Variants in FAM131C observed in about 807,000 individuals in gnomAD.
FAM131C encodes protein FAM131C.
In FAM131C, 14 loss-of-function variants were observed where a neutral mutation model predicts 29.8. The ratio of observed to expected loss-of-function variants is 0.47; its 90% CI spans 0.31 to 0.73. FAM131C has a LOEUF of 0.73. Among genes scored for constraint, FAM131C ranks in the 30% least tolerant of loss-of-function variants. FAM131C has a pLI of 0.05. For synonymous variants in FAM131C, 86 were observed against 157.8 expected (o/e 0.54, Z 3.41); for missense variants, 252 against 383.8 (o/e 0.66, Z 2.87).
In FAM131C at chr1:16,060,350, C is replaced by T. The variant is rs544144976; in HGVS notation, c.269-299G>A. On this transcript the variant is annotated intron_variant, in intron 4 of 6. Transcript: ENST00000375662. ...GCATCCTACTCCCAGTCCATGTTCCCGCCCACTGGATGCTTCTTCCCCAGA... is the reference window on the plus strand; with the variant it reads ...GCATCCTACTCCCAGTCCATGTTCCTGCCCACTGGATGCTTCTTCCCCAGA... Among the ~76,000 whole-genome samples, 8 of 125,392 alleles carry T rather than the reference C, an allele frequency of 6.4e-5. 1 individual carries two copies. Among genetic ancestry groups the T allele is most frequent in the South Asian group, 2.7e-4 (1 of 3,764 alleles). The allele number at this position is 125,392 out of a possible 152,430, so 82.3% of individuals were successfully genotyped here.
chr1:16,065,628 G>A lies in FAM131C; in HGVS notation c.23-1992C>T, dbSNP rs539044396. 2.6e-5 allele frequency among the ~76,000 whole-genome samples: 4 copies of A among 152,324 alleles called. No individual in the cohort carries two copies. In the South Asian group the frequency reaches 8.3e-4, roughly 32 times the overall value. On this transcript the variant is annotated intron_variant, in intron 1 of 6. Transcript: ENST00000375662. ...TTGGCCCCACCCAGAGTGGCCCCAA[G>A]CCAATGACTACCAGGTGCAGAACCC...
rs190510233 is a variant in FAM131C at position 16,070,091 on chromosome 1, C to T, written c.22+3330G>A. 4.0e-3 allele frequency among the ~76,000 whole-genome samples: 609 copies of T among 152,226 alleles called. 5 individuals are homozygous for T. Among genetic ancestry groups the T allele is most frequent in the African/African-American group, 0.014 (574 of 41,540 alleles). Reference sequence around the variant, plus strand: ...TATAGGGACGTAAGAAAGCAAAGGACGGGGTTTCCACACTCAGGCTCTGGG... The same window carrying T: ...TATAGGGACGTAAGAAAGCAAAGGATGGGGTTTCCACACTCAGGCTCTGGG... On this transcript the variant is annotated intron_variant, in intron 1 of 6. Coordinates refer to ENST00000375662, the MANE Select transcript of FAM131C (RefSeq NM_182623.3).
chr1:16,073,473 C>T lies in FAM131C; in HGVS notation c.-31G>A, dbSNP rs1288883888. On this transcript the variant is annotated 5_prime_UTR_variant, in exon 1 of 7. Coordinates refer to ENST00000375662, the MANE Select transcript of FAM131C (RefSeq NM_182623.3). ...GGCCGCGGGGCCGGGCCGCTGCGCC[C>T]GGGGTGCGTGGGGCCGCGGGGCGTT... is the stretch of plus-strand genomic sequence containing the variant. 1.3e-5 allele frequency: 15 copies of T among 1,192,726 alleles called. No individual in the cohort carries two copies. The highest frequency in any genetic ancestry group is 1.6e-5 in the Non-Finnish European group (15 of 961,154). The allele number at this position is 1,192,726 out of a possible 1,614,324, so 73.9% of individuals were successfully genotyped here.
rs559136201 is a variant in FAM131C at position 16,059,889 on chromosome 1, C to G, written c.431G>C (p.Arg144Pro). 4.7e-6 allele frequency: 6 copies of G among 1,272,122 alleles called. No individual in the cohort carries two copies. The highest frequency in any genetic ancestry group is 2.7e-5 in the Admixed American group (1 of 36,946). The allele number at this position is 1,272,122 out of a possible 1,614,324, so 78.8% of individuals were successfully genotyped here. A position where few individuals can be genotyped will look rare whatever the true frequency, so the allele number is the denominator to read the frequency against. Reference sequence around the variant, plus strand: ...CTGACCTGCAGCAAAGCGGGCCTCACGCAGCTCATCCGGGAGGCAGCAGTA... The same window carrying G: ...CTGACCTGCAGCAAAGCGGGCCTCAGGCAGCTCATCCGGGAGGCAGCAGTA... ...EHYCCLPDEL[R>P]EARFAAGVAE... The change falls in exon 5 of 7, where the codon CGT becomes CCT. Residue 144 changes from arginine to proline, a missense_variant. Around this residue, in one of 6 missense-constraint regions of FAM131C, gnomAD observed 38 missense variants for 32.7 expected, o/e 1.16. Coordinates refer to ENST00000375662, the MANE Select transcript of FAM131C (RefSeq NM_182623.3).
intron 1 of FAM131C, among the ~76,000 whole-genome samples, chr1:16,068,115 C>T (rs946679845): frequency 3.9e-5 from 6 of 152,258 alleles, no homozygotes; most frequent in Non-Finnish European, 5.9e-5. Context: ...GCAGCCGATG[C>T]GGCCCCTCTA....
At position 16,063,583 on chromosome 1, in the gene FAM131C, A is replaced by G; in HGVS notation, c.76T>C (p.Leu26=). ...NCPMPQGADP[L]NPDLPSGRTP... ...CGGCCCGAGGGCAGATCTGGGTTCA[A>G]GGGGTCCGCACCCTGGGGCATGGGG... Residue 26 remains leucine, a synonymous_variant, in exon 2 of 7, where the codon TTG becomes CTG. Transcript: ENST00000375662. 1 of 1,613,886 alleles carries G rather than the reference A, an allele frequency of 6.2e-7. No homozygotes were observed. Among genetic ancestry groups the G allele is most frequent in the South Asian group, 1.1e-5 (1 of 91,076 alleles).
intron 3 of FAM131C, 105 bp downstream of exon 3, chr1:16,062,394 C>CCCCGGG: frequency 8.5e-7 from 1 of 1,172,024 alleles, no homozygotes; most frequent in Non-Finnish European, 1.1e-6. Context: ...CCCCCCCCCC[C>CCCCGGG]GCCCCAGGGC....
At chr1:16,069,705 C>T (rs1218679313) in intron 1 of FAM131C, among the ~76,000 whole-genome samples, 1 of 152,218 alleles carries the variant, frequency 6.6e-6, no homozygotes, top group Non-Finnish European at 1.5e-5. Flanking sequence ...GAGCCCCCAA[C>T]AAATAGGGAC....
chr1:16,059,924 C>T lies in FAM131C; in HGVS notation c.396G>A (p.Glu132=), dbSNP rs1427589068. 4.3e-6 allele frequency: 7 copies of T among 1,611,122 alleles called. No homozygotes were observed. The highest frequency in any genetic ancestry group is 5.1e-6 in the Non-Finnish European group (6 of 1,179,772). ...QPAGWELSPA[E]DEHYCCLPDE... ...CCGGGAGGCAGCAGTAATGCTCGTC[C>T]TCAGCTGGGGACAGCTCCCAGCCTG... is the stretch of plus-strand genomic sequence containing the variant. Residue 132 remains glutamate, a synonymous_variant, in exon 5 of 7, where the codon GAG becomes GAA. Coordinates refer to ENST00000375662, the MANE Select transcript of FAM131C (RefSeq NM_182623.3).
Position 16,062,147 on chromosome 1 carries a change from G to C in FAM131C, c.220C>G (p.Arg74Gly), listed in dbSNP as rs79991837. 10 of 1,603,674 alleles carry C rather than the reference G, an allele frequency of 6.2e-6. No individual in the cohort carries two copies. In the African/African-American group the frequency reaches 1.4e-4, roughly 22 times the overall value. The change falls in exon 4 of 7, where the codon CGC (arginine) becomes GGC (glycine). Residue 74 changes from arginine to glycine, a missense_variant. Coordinates refer to ENST00000375662, the MANE Select transcript of FAM131C (RefSeq NM_182623.3). ...TNGYLSDSRS[R>G]PGNYNVAALA... ...GCTGCCACGTTGTAGTTGCCGGGGC[G>C]GGATCTGGAGTCGGACAGGTAGCCG...
chr1:16,059,497 G>A lies in FAM131C; in HGVS notation c.559C>T (p.Gln187Ter). 6.2e-7 allele frequency: 1 copy of A among 1,610,870 alleles called. No individual in the cohort carries two copies. Among genetic ancestry groups the A allele is most frequent in the Non-Finnish European group, 8.5e-7 (1 of 1,178,578 alleles). The change falls in exon 6 of 7, where the codon CAA becomes TAA. Residue 187 changes from glutamine (Q) to a stop codon, truncating the protein, a stop_gained. Coordinates refer to ENST00000375662, the MANE Select transcript of FAM131C (RefSeq NM_182623.3). LOFTEE classifies it low-confidence loss of function (END_TRUNC). The part of the protein sequence containing the change: ...ENSPQGIVQL[Q>*]DLESIYLQDS... ...CCCTGGACCCTCTGGGCTGTACCTT[G>A]GAGCTGGACGATGCCTTGGGGGCTG...
At position 16,073,401 on chromosome 1, in the gene FAM131C, C is replaced by G; in HGVS notation, c.22+20G>C. 1 of 1,204,346 alleles carries G rather than the reference C, an allele frequency of 8.3e-7. No homozygotes were observed. Among genetic ancestry groups the G allele is most frequent in the Non-Finnish European group, 1.0e-6 (1 of 967,380 alleles). 74.6% of individuals were successfully genotyped at this position (1,204,346 alleles called of 1,614,324 possible). A position where few individuals can be genotyped will look rare whatever the true frequency, so the allele number is the denominator to read the frequency against. Reference sequence around the variant, plus strand: ...GGTCCCCGGCACCCGATCCCCCCGCCCCCGGCCGGGCCCCCTCACCTCGCG... The same window carrying G: ...GGTCCCCGGCACCCGATCCCCCCGCGCCCGGCCGGGCCCCCTCACCTCGCG... On this transcript the variant is annotated intron_variant, in intron 1 of 6. Coordinates refer to ENST00000375662, the MANE Select transcript of FAM131C (RefSeq NM_182623.3).
Position 16,073,554 on chromosome 1 carries a change from G to T in FAM131C, c.-112C>A. The T allele has an allele frequency of 2.0e-6, 1 of 488,108 alleles. No homozygotes were observed. The highest frequency in any genetic ancestry group is 5.3e-5 in the East Asian group (1 of 18,786). The allele number at this position is 488,108 out of a possible 1,614,324, so 30.2% of individuals were successfully genotyped here. ...GCGGAGCCAGAGGACGGGCGGGGCG[G>T]GGGGCTCGGGCGCCCTCAGCTCGGC... On this transcript the variant is annotated 5_prime_UTR_variant, in exon 1 of 7. Transcript: ENST00000375662.
intron 1 of FAM131C, among the ~76,000 whole-genome samples, chr1:16,069,526 G>A (rs959550035): frequency 2.6e-5 from 4 of 152,240 alleles, no homozygotes; most frequent in South Asian, 2.1e-4. Context: ...ATACCCCCAA[G>A]GTGGGGCCAG....
intron 1 of FAM131C, among the ~76,000 whole-genome samples, chr1:16,069,647 G>T (rs1395409116): frequency 6.6e-6 from 1 of 152,190 alleles, no homozygotes; most frequent in African/African-American, 2.4e-5. Flanking sequence ...CTGGAGAGAA[G>T]GGGGGCAAAT....
intron 1 of FAM131C, among the ~76,000 whole-genome samples, chr1:16,064,400 C>T (rs55804154): frequency 0.013 from 2,019 of 152,288 alleles, 47 homozygotes; most frequent in African/African-American, 0.046. Flanking sequence ...AAAGGAAGAG[C>T]TGTTCCTGCT....
chr1:16,063,987 G>A (rs1269709331), intron 1 of FAM131C, among the ~76,000 whole-genome samples: 1 of 151,904 alleles, frequency 6.6e-6, no homozygotes, highest in Non-Finnish European at 1.5e-5. Context: ...TGACACCCTG[G>A]CATGGCCTCT....
At chr1:16,062,411 G>A in intron 3 of FAM131C, 88 bp downstream of exon 3, 2 of 1,046,702 alleles carry the variant, frequency 1.9e-6, no homozygotes, top group Non-Finnish European at 2.7e-6. Context: ...GGGCCAGCAG[G>A]ACTGTGTGCC....
At chr1:16,062,423 G>A in intron 3 of FAM131C, 76 bp downstream of exon 3, 3 of 1,505,218 alleles carry the variant, frequency 2.0e-6, no homozygotes, top group Non-Finnish European at 2.7e-6. Flanking sequence ...CTGTGTGCCT[G>A]GGCTGGGCAC....
Sources: allele counts gnomAD v4.1 joint callset (sites outside exome capture counted in the v4.1 genomes callset), GRCh38; gene constraint gnomAD v4.1.1; regional missense constraint gnomAD v4.1.1; transcripts MANE v1.5; gene names NCBI Gene and HGNC (gene_info 2026-07-23, HGNC 2026-07-21).